NHLRC2: variants seen among roughly 807,000 people sequenced by gnomAD.
NHLRC2 encodes the protein NHL repeat-containing protein 2.
NHLRC2 carries 33 observed loss-of-function variants against 68.1 expected under a neutral mutation model. The observed-to-expected ratio is 0.48, with a 90% confidence interval of 0.37 to 0.65. The LOEUF (loss-of-function observed/expected upper bound fraction) is 0.65, where lower values mean the gene tolerates loss of function less well. NHLRC2 is among the 30% of genes least tolerant of loss of function. The pLI is 0.00. For missense variants in NHLRC2, 761 were observed against 853.8 expected, an observed-to-expected ratio of 0.89 and a Z score of 1.35; for synonymous variants, 311 against 309.6, an observed-to-expected ratio of 1.00 and a Z score of -0.05.
intron 5 of NHLRC2, among the ~76,000 whole-genome samples, chr10:113,888,560 A>G (rs1012141706): frequency 6.6e-6 from 1 of 152,238 alleles, no homozygotes; most frequent in Admixed American, 6.5e-5. Flanking sequence ...CTGAATATTT[A>G]ACCTGACTAT....
chr10:113,878,388 A>C (rs1846005119), intron 3 of NHLRC2, among the ~76,000 whole-genome samples: 1 of 152,128 alleles, frequency 6.6e-6, no homozygotes, highest in Non-Finnish European at 1.5e-5. Context: ...GTATGAACTC[A>C]TTTTTGCCTG....
Position 113,879,698 on chromosome 10 carries a change from A to AATTT in NHLRC2, c.909+4_909+7dup. On this transcript the variant is annotated splice_donor_region_variant and intron_variant, in intron 4 of 10. Coordinates refer to ENST00000369301, the MANE Select transcript of NHLRC2 (RefSeq NM_198514.4). ...CTGAAAACCACCTTATAAGAAAGGT[A>AATTT]ATTTTCATTTTAAATTTGTTTTAAT... 6.9e-7 allele frequency: 1 copy of AATTT among 1,452,538 alleles called. No homozygotes were observed. Among genetic ancestry groups the AATTT allele is most frequent in the Non-Finnish European group, 9.4e-7 (1 of 1,068,306 alleles). 90.0% of individuals were successfully genotyped at this position (1,452,538 alleles called of 1,614,324 possible).
intron 9 of NHLRC2, among the ~76,000 whole-genome samples, chr10:113,904,020 G>C (rs571960960): frequency 2.0e-5 from 3 of 150,684 alleles, no homozygotes; most frequent in Admixed American, 1.3e-4. Flanking sequence ...ACTCAGATCT[G>C]TTTTTAAGTG....
At chr10:113,891,332 A>G (rs6585250) in intron 5 of NHLRC2, among the ~76,000 whole-genome samples, 121,261 of 152,120 alleles carry the variant, frequency 0.8, 48,389 homozygotes, top group Admixed American at 0.85. Flanking sequence ...TCTGGGGACT[A>G]TCCTCGAGTC....
rs191638877 is a variant in NHLRC2, at chr10:113,858,381, C to A, written c.179-147C>A. On this transcript the variant is annotated intron_variant, in intron 1 of 10. Coordinates refer to ENST00000369301, the MANE Select transcript of NHLRC2 (RefSeq NM_198514.4). ...CATAGTAAACAACTATAAATACATGCAACTGCCACAGCCTTTATATGGTGC... is the reference window on the plus strand; with the variant it reads ...CATAGTAAACAACTATAAATACATGAAACTGCCACAGCCTTTATATGGTGC... The A allele has an allele frequency of 2.0e-5, 11 of 560,706 alleles. No individual in the cohort carries two copies. The Admixed American group carries it at 2.9e-4, about 15-fold the overall frequency. 34.7% of individuals were successfully genotyped at this position (560,706 alleles called of 1,614,324 possible).
In NHLRC2 at chr10:113,898,145, G is replaced by A. The variant is rs1384778303; in HGVS notation, c.1075G>A (p.Ala359Thr). ...CCAAAGAGGTGACATTTTATGGATA[G>A]CCATGGCAGGGACTCATCAGATATG... The part of the protein sequence containing the change: ...EVQRGDILWI[A>T]MAGTHQIWAL... Residue 359 changes from alanine to threonine, a missense_variant, in exon 6 of 11, where the codon GCC becomes ACC. Physicochemically the swap from Ala to Thr is moderately conservative, Grantham distance 58. Coordinates refer to ENST00000369301, the MANE Select transcript of NHLRC2 (RefSeq NM_198514.4). 1 of 1,612,876 alleles carries A rather than the reference G, an allele frequency of 6.2e-7. No individual in the cohort carries two copies. The highest frequency in any genetic ancestry group is 1.1e-5 in the South Asian group (1 of 91,046).
At chr10:113,870,417 T>C (rs1214232747) in intron 2 of NHLRC2, among the ~76,000 whole-genome samples, 1 of 152,194 alleles carries the variant, frequency 6.6e-6, no homozygotes, top group Non-Finnish European at 1.5e-5. Context: ...ATACACTCGC[T>C]TTTTTCATGT....
At chr10:113,882,496 A>G (rs1294180124) in intron 4 of NHLRC2, among the ~76,000 whole-genome samples, 6 of 151,762 alleles carry the variant, frequency 4.0e-5, no homozygotes, top group Non-Finnish European at 8.9e-5. Flanking sequence ...CCATTTTTAT[A>G]TCTTTGAGAA....
chr10:113,868,629 C>T (rs1166894029), intron 2 of NHLRC2, among the ~76,000 whole-genome samples: 1 of 152,140 alleles, frequency 6.6e-6, no homozygotes, highest in East Asian at 1.9e-4. Flanking sequence ...AATAATAAAA[C>T]ATGCATGGGA....
At chr10:113,896,821 C>G (rs927628485) in intron 5 of NHLRC2, among the ~76,000 whole-genome samples, 10 of 151,704 alleles carry the variant, frequency 6.6e-5, no homozygotes, top group African/African-American at 1.9e-4. Context: ...AGTGAAACCC[C>G]GTCTCTACTA....
At chr10:113,905,657 G>A (rs1032327071) in intron 10 of NHLRC2, among the ~76,000 whole-genome samples, 1 of 151,988 alleles carries the variant, frequency 6.6e-6, no homozygotes, top group African/African-American at 2.4e-5. Context: ...GGTCTCCCAC[G>A]CTCTTTCACA....
At position 113,917,104 on chromosome 10, in the gene NHLRC2, G is replaced by A. The variant is rs1233747268; in HGVS notation, c.*8568G>A. 2 of 152,164 alleles carry A rather than the reference G, an allele frequency of 1.3e-5. No homozygotes were observed. The highest frequency in any genetic ancestry group is 2.1e-4 in the South Asian group (1 of 4,830). The allele number at this position is 152,164 out of a possible 1,614,324, so 9.4% of individuals were successfully genotyped here. ...ACAAGTGATCATAGAAGGTGAGAAT[G>A]TGTTTATACTGTATATGGAAACCTA... On this transcript the variant is annotated 3_prime_UTR_variant, in exon 11 of 11. Transcript: ENST00000369301.
At chr10:113,873,785 T>A (rs1845951840) in intron 2 of NHLRC2, among the ~76,000 whole-genome samples, 1 of 152,156 alleles carries the variant, frequency 6.6e-6, no homozygotes. Context: ...GTTTAGATGA[T>A]GAAGTGGAGC....
chr10:113,902,491 T>C lies in NHLRC2; in HGVS notation c.1392T>C (p.Asp464=), dbSNP rs1306338643. 1 of 1,578,552 alleles carries C rather than the reference T, an allele frequency of 6.3e-7. No individual in the cohort carries two copies. Among genetic ancestry groups the C allele is most frequent in the Admixed American group, 2.0e-5 (1 of 51,198 alleles). Residue 464 remains aspartate, a synonymous_variant, in exon 8 of 11, where the codon GAT becomes GAC. Coordinates refer to ENST00000369301, the MANE Select transcript of NHLRC2 (RefSeq NM_198514.4). ...TAAAGAATTTATTTGCTTTTGGTGA[T>C]GTTGATGGAGTAGGAATCAATGCAA... The part of the protein sequence containing the change: ...RDPMNLFAFG[D]VDGVGINAKL...
chr10:113,896,415 A>G (rs931112744), intron 5 of NHLRC2, among the ~76,000 whole-genome samples: 3 of 151,300 alleles, frequency 2.0e-5, no homozygotes, highest in African/African-American at 7.3e-5. Context: ...CTATGGCAAG[A>G]ACAAAAAACC....
chr10:113,882,914 A>C (rs1846047914), intron 4 of NHLRC2, among the ~76,000 whole-genome samples: 1 of 151,722 alleles, frequency 6.6e-6, no homozygotes, highest in Non-Finnish European at 1.5e-5. Flanking sequence ...ATGTGGATAT[A>C]CAGTTACCCC....
chr10:113,883,636 A>G (rs1846055438), intron 4 of NHLRC2, among the ~76,000 whole-genome samples: 1 of 151,930 alleles, frequency 6.6e-6, no homozygotes, highest in African/African-American at 2.4e-5. Flanking sequence ...CCAGTAGAAT[A>G]CATTAGTTTT....
intron 2 of NHLRC2, among the ~76,000 whole-genome samples, chr10:113,865,290 C>CA (rs1174716649): frequency 7.0e-6 from 1 of 142,146 alleles, no homozygotes; most frequent in African/African-American, 2.6e-5. Flanking sequence ...ATCCCCCCCC[C>CA]CCGTTCCTCT....
In NHLRC2 at chr10:113,905,056, A is replaced by T; in HGVS notation, c.1924+20A>T. ...CTGAAGGTATGAGTATAAGCTTGCAAATACTAATACATCATATATTCTTGA... is the reference window on the plus strand; with the variant it reads ...CTGAAGGTATGAGTATAAGCTTGCATATACTAATACATCATATATTCTTGA... On this transcript the variant is annotated intron_variant, in intron 10 of 10. Coordinates refer to ENST00000369301, the MANE Select transcript of NHLRC2 (RefSeq NM_198514.4). 1 of 1,153,384 alleles carries T rather than the reference A, an allele frequency of 8.7e-7. No homozygotes were observed. The highest frequency in any genetic ancestry group is 1.6e-5 in the African/African-American group (1 of 63,814). 71.4% of individuals were successfully genotyped at this position (1,153,384 alleles called of 1,614,324 possible).
Sources: allele counts gnomAD v4.1 joint callset (sites outside exome capture counted in the v4.1 genomes callset), GRCh38; gene constraint gnomAD v4.1.1; transcripts MANE v1.5; gene names NCBI Gene and HGNC (gene_info 2026-07-23, HGNC 2026-07-21).